Variants in MYO1D observed in about 807,000 individuals in gnomAD.
MYO1D encodes the protein myosin ID, also known as unconventional myosin-Id.
A neutral mutation model predicts 122.0 loss-of-function variants in MYO1D; 83 were observed. The ratio of observed to expected loss-of-function variants is 0.68; its 90% CI spans 0.57 to 0.82. The LOEUF is 0.82. MYO1D is among the 40% of genes least tolerant of loss of function. The pLI is 0.00. For missense variants in MYO1D, 1,157 were observed against 1,269.5 expected (o/e 0.91, Z 1.35); for synonymous variants, 464 against 446.9 (o/e 1.04, Z -0.48).
In MYO1D at chr17:32,854,534, C is replaced by A. The variant is rs547446029; in HGVS notation, c.95+22244G>T. 2.0e-5 allele frequency among the ~76,000 whole-genome samples: 3 copies of A among 152,342 alleles called. 1 individual carries two copies. In the South Asian group the frequency reaches 6.2e-4, roughly 32 times the overall value. ...GGCAAACAACAAATAAGAAATAATT[C>A]TTGCTTCACTTTGGGATACATTATA... On this transcript the variant is annotated intron_variant, in intron 1 of 21. Coordinates refer to ENST00000318217, the MANE Select transcript of MYO1D (RefSeq NM_015194.3).
At chr17:32,620,568 C>T (rs958018515) in intron 20 of MYO1D, among the ~76,000 whole-genome samples, 6 of 152,260 alleles carry the variant, frequency 3.9e-5, no homozygotes, top group Non-Finnish European at 8.8e-5. Flanking sequence ...CAAGTTCCTC[C>T]AGAGTCCTGA....
intron 16 of MYO1D, among the ~76,000 whole-genome samples, chr17:32,705,457 G>T (rs898066639): frequency 6.6e-6 from 1 of 152,046 alleles, no homozygotes; most frequent in Non-Finnish European, 1.5e-5. Flanking sequence ...TAGAGACGGG[G>T]TTTCACCATG....
At chr17:32,511,571 GT>G (rs1231466623) in intron 21 of MYO1D, among the ~76,000 whole-genome samples, 1 of 148,692 alleles carries the variant, frequency 6.7e-6, no homozygotes, top group East Asian at 2.0e-4. Context: ...TATTTTACAT[GT>G]TTGAAAGAGG....
chr17:32,535,038 G>C (rs1910620097), intron 21 of MYO1D, among the ~76,000 whole-genome samples: 1 of 152,194 alleles, frequency 6.6e-6, no homozygotes, highest in Non-Finnish European at 1.5e-5. Context: ...CTAGTGGCCA[G>C]TTGTGAGAAG....
At chr17:32,765,789 T>C (rs895800493) in intron 7 of MYO1D, among the ~76,000 whole-genome samples, 4 of 152,088 alleles carry the variant, frequency 2.6e-5, no homozygotes, top group Non-Finnish European at 4.4e-5. Flanking sequence ...CCATCCACAA[T>C]TGATTTTGGT....
intron 21 of MYO1D, among the ~76,000 whole-genome samples, chr17:32,521,684 G>C (rs561981126): frequency 6.6e-6 from 1 of 151,676 alleles, no homozygotes; most frequent in East Asian, 1.9e-4. Context: ...GTGCGGTGGC[G>C]CACGCCCATA....
chr17:32,747,665 C>G (rs922661458), intron 12 of MYO1D, among the ~76,000 whole-genome samples: 3 of 151,956 alleles, frequency 2.0e-5, no homozygotes, highest in Admixed American at 1.3e-4. Flanking sequence ...GGTGAAACCC[C>G]GTCTCCACTA....
intron 20 of MYO1D, among the ~76,000 whole-genome samples, chr17:32,629,861 T>G (rs535355542): frequency 1.3e-5 from 2 of 152,216 alleles, no homozygotes; most frequent in African/African-American, 4.8e-5. Flanking sequence ...AGCACTGTAC[T>G]CTATTTGATA....
chr17:32,621,623 T>G (rs1307459903), intron 20 of MYO1D, among the ~76,000 whole-genome samples: 1 of 152,182 alleles, frequency 6.6e-6, no homozygotes, highest in African/African-American at 2.4e-5. Context: ...CTGGTTACCT[T>G]GCAGGTACTT....
chr17:32,751,467 A>G (rs762844127), intron 11 of MYO1D, among the ~76,000 whole-genome samples: 2 of 152,226 alleles, frequency 1.3e-5, no homozygotes, highest in Non-Finnish European at 2.9e-5. Flanking sequence ...TGGAAAACAG[A>G]AGTCAAATAA....
intron 14 of MYO1D, among the ~76,000 whole-genome samples, chr17:32,731,825 C>A (rs2089642589): frequency 1.3e-5 from 2 of 152,208 alleles, no homozygotes; most frequent in South Asian, 4.1e-4. Flanking sequence ...TGGGAGCAGG[C>A]AGGAGCCCCA....
At chr17:32,548,511 A>G (rs895470503) in intron 21 of MYO1D, among the ~76,000 whole-genome samples, 14 of 151,946 alleles carry the variant, frequency 9.2e-5, no homozygotes, top group Admixed American at 5.9e-4. Context: ...CCTAATAAGA[A>G]GGAGTTAGAG....
intron 21 of MYO1D, among the ~76,000 whole-genome samples, chr17:32,591,825 G>T (rs910262946): frequency 1.3e-5 from 2 of 152,148 alleles, no homozygotes; most frequent in Non-Finnish European, 2.9e-5. Flanking sequence ...AAGCATGTAG[G>T]TTCCTGGAGG....
chr17:32,625,097 TG>T (rs1269099492), intron 20 of MYO1D, among the ~76,000 whole-genome samples: 1 of 152,206 alleles, frequency 6.6e-6, no homozygotes, highest in Non-Finnish European at 1.5e-5. Context: ...AGCCCTTTTT[TG>T]TATCCTAATG....
At chr17:32,748,800 C>A in intron 12 of MYO1D, 136 bp downstream of exon 12, 2 of 826,726 alleles carry the variant, frequency 2.4e-6, no homozygotes, top group East Asian at 4.9e-5. Flanking sequence ...TTAAGTTGAA[C>A]AAATTAAAAT....
chr17:32,830,222 C>T (rs1210283980), intron 1 of MYO1D: 2 of 152,050 alleles, frequency 1.3e-5, no homozygotes, highest in East Asian at 1.9e-4. Context: ...TGCTCATTTT[C>T]GAATAGTCAA....
chr17:32,828,831 T>G (rs778453692), intron 1 of MYO1D, among the ~76,000 whole-genome samples: 1 of 152,228 alleles, frequency 6.6e-6, no homozygotes, highest in Non-Finnish European at 1.5e-5. Flanking sequence ...TATGGTGTTG[T>G]ATTCTGTTCT....
chr17:32,600,953 C>CTTTTTTTTTTTTTTTTTTTT (rs59778193), intron 21 of MYO1D, among the ~76,000 whole-genome samples: 1 of 141,644 alleles, frequency 7.1e-6, no homozygotes, highest in Non-Finnish European at 1.5e-5. Flanking sequence ...TTTCTTTTCC[C>CTTTTTTTTTTTTTTTTTTTT]TTTTTTTTTT....
chr17:32,728,967 G>C (rs148255905), intron 14 of MYO1D, among the ~76,000 whole-genome samples: 37 of 152,312 alleles, frequency 2.4e-4, no homozygotes, highest in African/African-American at 7.7e-4. Flanking sequence ...AAGGAATATA[G>C]TGGGAATACT....
Sources: gnomAD v4.1 joint callset for allele counts (sites outside exome capture counted in the v4.1 genomes callset) on GRCh38, gnomAD v4.1.1 for gene constraint, MANE v1.5 for transcripts, NCBI Gene and HGNC (gene_info 2026-07-23, HGNC 2026-07-21) for gene names.